TRAPPC11: variants seen among roughly 807,000 people sequenced by gnomAD.
TRAPPC11 encodes the protein foie gras homolog.
Under a neutral mutation model 151.2 loss-of-function variants are expected in TRAPPC11, and 104 were observed. That is an observed-to-expected ratio of 0.69 (90% CI 0.59 to 0.81). TRAPPC11 has a LOEUF of 0.81. TRAPPC11 is among the 30% of genes least tolerant of loss of function. The pLI, the probability that TRAPPC11 is intolerant of heterozygous loss-of-function variation, is 0.00. For synonymous variants in TRAPPC11, 456 were observed against 472.3 expected (o/e 0.97, Z 0.45); for missense variants, 1,230 against 1,349.6 (o/e 0.91, Z 1.39).
Position 183,707,254 on chromosome 4 carries a change from ATGTG to A in TRAPPC11, c.3189+339_3189+342del, listed in dbSNP as rs10576583. 5.3e-4 allele frequency among the ~76,000 whole-genome samples: 79 copies of A among 148,604 alleles called. 1 individual carries two copies. The highest frequency in any genetic ancestry group is 9.7e-4 in the African/African-American group (39 of 40,356). ...TTATTACTGATGAGTGTGTGTGTTT[ATGTG>A]TGTGTGTGTGTGTGTGTGTGTGTGA... On this transcript the variant is annotated intron_variant, in intron 28 of 29. Coordinates refer to ENST00000334690, the MANE Select transcript of TRAPPC11 (RefSeq NM_021942.6).
chr4:183,682,099 A>T (rs1265366439), intron 10 of TRAPPC11, among the ~76,000 whole-genome samples: 1 of 152,254 alleles, frequency 6.6e-6, no homozygotes, highest in Admixed American at 6.5e-5. Context: ...GTTGAAAATT[A>T]ATCATTAACA....
At chr4:183,696,271 T>A (rs1561055981) in intron 23 of TRAPPC11, among the ~76,000 whole-genome samples, 2 of 152,248 alleles carry the variant, frequency 1.3e-5, no homozygotes, top group Non-Finnish European at 2.9e-5. Flanking sequence ...GGATTAGAAT[T>A]CAGCTCTGTC....
chr4:183,660,735 A>G (rs1192179517), intron 1 of TRAPPC11, among the ~76,000 whole-genome samples: 3 of 152,130 alleles, frequency 2.0e-5, no homozygotes, highest in Non-Finnish European at 4.4e-5. Context: ...TGTTGTTGAG[A>G]CGGAGTCTTG....
At chr4:183,659,552 A>C (rs1176548388) in intron 1 of TRAPPC11, 105 bp downstream of exon 1, 1 of 152,254 alleles carries the variant, frequency 6.6e-6, no homozygotes, top group East Asian at 1.9e-4. Context: ...AATCCCATCG[A>C]CGGGTGCAAT....
intron 1 of TRAPPC11, among the ~76,000 whole-genome samples, 194 bp downstream of exon 1, chr4:183,659,641 G>A (rs1301983817): frequency 1.3e-5 from 2 of 152,222 alleles, no homozygotes; most frequent in Non-Finnish European, 2.9e-5. Context: ...GGGAATAAGA[G>A]GAGGAAGATA....
intron 18 of TRAPPC11, among the ~76,000 whole-genome samples, chr4:183,689,372 C>G (rs1736138252): frequency 6.6e-6 from 1 of 151,982 alleles, no homozygotes; most frequent in African/African-American, 2.4e-5. Context: ...CTACTTCATT[C>G]CTTCTTGCCT....
intron 18 of TRAPPC11, among the ~76,000 whole-genome samples, chr4:183,691,068 C>A (rs1440444705): frequency 6.6e-6 from 1 of 152,282 alleles, no homozygotes; most frequent in East Asian, 1.9e-4. Flanking sequence ...CAACAAAGAA[C>A]AAACTGTTTC....
chr4:183,665,232 C>T (rs984451931), intron 2 of TRAPPC11, among the ~76,000 whole-genome samples: 36 of 151,530 alleles, frequency 2.4e-4, no homozygotes, highest in East Asian at 5.9e-4. Flanking sequence ...GTGGCTGGGA[C>T]TACAGGCGCC....
At chr4:183,679,530 A>G in intron 9 of TRAPPC11, 44 bp downstream of exon 9, 1 of 1,520,654 alleles carries the variant, frequency 6.6e-7, no homozygotes, top group Non-Finnish European at 8.9e-7. Context: ...AAAATGATAC[A>G]TAGTATTTGG....
intron 25 of TRAPPC11, chr4:183,701,432 A>C (rs1416603882): frequency 3.1e-6 from 1 of 322,136 alleles, no homozygotes; most frequent in Non-Finnish European, 5.7e-6. Flanking sequence ...AGCTTTTTGC[A>C]TTCATTAGTT....
At chr4:183,660,972 A>G (rs902638633) in intron 1 of TRAPPC11, among the ~76,000 whole-genome samples, 19 of 152,026 alleles carry the variant, frequency 1.2e-4, no homozygotes, top group Non-Finnish European at 2.8e-4. Context: ...TTGGCCTCCC[A>G]AAGTGCTGGG....
At chr4:183,663,736 GTT>G (rs70959134) in intron 1 of TRAPPC11, 109 bp from the exon 2 acceptor site, 2,054 of 384,364 alleles carry the variant, frequency 5.3e-3, no homozygotes, top group South Asian at 0.013. Context: ...AATATGAGTT[GTT>G]TTTTTTTTTT....
At chr4:183,688,567 T>G (rs1260834397) in intron 18 of TRAPPC11, among the ~76,000 whole-genome samples, 1 of 152,306 alleles carries the variant, frequency 6.6e-6, no homozygotes, top group East Asian at 1.9e-4. Context: ...TAAAGAAACG[T>G]TATCTGTTTT....
intron 29 of TRAPPC11, among the ~76,000 whole-genome samples, 191 bp from the exon 30 acceptor site, chr4:183,712,409 G>A (rs1056866952): frequency 6.6e-6 from 1 of 152,162 alleles, no homozygotes; most frequent in South Asian, 2.1e-4. Context: ...ATCCCCAGGT[G>A]CAAGTGAAGA....
chr4:183,663,906 T>C lies in TRAPPC11; in HGVS notation c.39T>C (p.Cys13=). The part of the protein sequence containing the change: ...PTQWDFPVEL[C]CRPMAFVTLT... ...AGTGGGACTTCCCTGTGGAATTATG[T>C]TGCCGGCCTATGGCCTTTGTTACTC... The change falls in exon 2 of 30, where the codon TGT becomes TGC. Residue 13 remains cysteine (C), a synonymous_variant. Coordinates refer to ENST00000334690, the MANE Select transcript of TRAPPC11 (RefSeq NM_021942.6). 1.2e-6 allele frequency: 2 copies of C among 1,614,204 alleles called. No individual in the cohort carries two copies. Among genetic ancestry groups the C allele is most frequent in the Non-Finnish European group, 1.7e-6 (2 of 1,180,038 alleles).
chr4:183,682,882 TA>T (rs1458156507), intron 11 of TRAPPC11, 57 bp downstream of exon 11: 16 of 1,162,800 alleles, frequency 1.4e-5, no homozygotes, highest in Admixed American at 1.8e-5. Flanking sequence ...ACAATAGCTA[TA>T]ATAGATTTTC....
At chr4:183,683,155 C>CAAAAAAAAAAAAA in intron 11 of TRAPPC11, among the ~76,000 whole-genome samples, 1 of 97,960 alleles carries the variant, frequency 1.0e-5, no homozygotes, top group African/African-American at 3.6e-5. Flanking sequence ...GACCTCATCT[C>CAAAAAAAAAAAAA]AAAAAAAAAA....
chr4:183,661,721 A>G (rs1050563256), intron 1 of TRAPPC11, among the ~76,000 whole-genome samples: 4 of 144,116 alleles, frequency 2.8e-5, no homozygotes, highest in Non-Finnish European at 4.6e-5. Context: ...AAATAAGATT[A>G]TATTTAAAAT....
intron 10 of TRAPPC11, among the ~76,000 whole-genome samples, chr4:183,681,503 G>A (rs979096400): frequency 5.3e-5 from 8 of 152,250 alleles, no homozygotes; most frequent in African/African-American, 1.4e-4. Flanking sequence ...TTAATGGGCC[G>A]GGTGCGGTGG....
Sources: gnomAD v4.1 joint callset for allele counts (sites outside exome capture counted in the v4.1 genomes callset) on GRCh38, gnomAD v4.1.1 for gene constraint, MANE v1.5 for transcripts, NCBI Gene and HGNC (gene_info 2026-07-23, HGNC 2026-07-21) for gene names.